The following LCLAT1 variants were observed in gnomAD, a reference collection of about 807,000 sequenced individuals.
LCLAT1 encodes 1-AGP acyltransferase 8.
In LCLAT1, 11 loss-of-function variants were observed where a neutral mutation model predicts 30.7. The observed-to-expected ratio is 0.36, with a 90% CI of 0.23 to 0.59. The LOEUF is 0.59. Ranked by LOEUF, LCLAT1 falls within the 20% of genes least tolerant of loss-of-function variation. LCLAT1 has a pLI of 0.77. For missense variants in LCLAT1, 402 were observed against 458.6 expected, an observed-to-expected ratio of 0.88 and a Z score of 1.13; for synonymous variants, 155 against 151.3, an observed-to-expected ratio of 1.02 and a Z score of -0.18.
intron 1 of LCLAT1, among the ~76,000 whole-genome samples, chr2:30,472,913 G>A (rs1291172295): frequency 1.3e-5 from 2 of 152,044 alleles, no homozygotes; most frequent in African/African-American, 4.8e-5. Context: ...TCACAGTGAT[G>A]AGGAAGAAAA....
chr2:30,478,732 AC>A (rs1343329500), intron 1 of LCLAT1, among the ~76,000 whole-genome samples: 1 of 151,974 alleles, frequency 6.6e-6, no homozygotes, highest in Non-Finnish European at 1.5e-5. Context: ...AATTTAAAAA[AC>A]CAAACATAGA....
At position 30,559,440 on chromosome 2, in the gene LCLAT1, G is replaced by T. The variant is rs139172096; in HGVS notation, c.365-2706G>T. ...ATACCAAATCCTTAACATATTCAAG[G>T]ACTTTTATCTAAGTCTTGCATTCAT... On this transcript the variant is annotated intron_variant, in intron 3 of 5. Transcript: ENST00000379509. 1.6e-4 allele frequency among the ~76,000 whole-genome samples: 25 copies of T among 152,182 alleles called. No homozygotes were observed. In the East Asian group the frequency reaches 4.4e-3, roughly 27 times the overall value.
intron 5 of LCLAT1, among the ~76,000 whole-genome samples, chr2:30,636,578 A>G (rs1669035224): frequency 6.6e-6 from 1 of 152,126 alleles, no homozygotes; most frequent in African/African-American, 2.4e-5. Flanking sequence ...TGCTGCCATG[A>G]ATCTAGAATC....
rs757964244 is a variant in LCLAT1, at chr2:30,644,140, T to C, written c.*3521T>C. The C allele has an allele frequency of 2.6e-5, 4 of 152,208 alleles. No homozygotes were observed. The highest frequency in any genetic ancestry group is 4.4e-5 in the Non-Finnish European group (3 of 68,036). 9.4% of individuals were successfully genotyped at this position (152,208 alleles called of 1,614,324 possible). On this transcript the variant is annotated 3_prime_UTR_variant, in exon 6 of 6. Transcript: ENST00000379509. ...TTTAAAAATAACTCACAGAATGGCC[T>C]TAGTTTTCAATGTCTGATGGTATAT...
chr2:30,635,486 T>C (rs182878159), intron 5 of LCLAT1, among the ~76,000 whole-genome samples: 7 of 152,282 alleles, frequency 4.6e-5, no homozygotes, highest in Non-Finnish European at 1.0e-4. Context: ...TTTCTAACAT[T>C]ACAGTGTTAC....
intron 1 of LCLAT1, among the ~76,000 whole-genome samples, chr2:30,474,658 T>TTC (rs1464111731): frequency 6.6e-6 from 1 of 151,570 alleles, no homozygotes; most frequent in Non-Finnish European, 1.5e-5. Context: ...ACTTTTTTTT[T>TTC]TTTTTTTCTA....
intron 5 of LCLAT1, among the ~76,000 whole-genome samples, chr2:30,575,218 C>G (rs1558530073): frequency 6.6e-6 from 1 of 152,056 alleles, no homozygotes; most frequent in African/African-American, 2.4e-5. Flanking sequence ...TCATCATACT[C>G]TATACATTTC....
At chr2:30,484,148 C>T (rs1000668099) in intron 1 of LCLAT1, among the ~76,000 whole-genome samples, 1 of 152,160 alleles carries the variant, frequency 6.6e-6, no homozygotes, top group Non-Finnish European at 1.5e-5. Flanking sequence ...GCCCTGCTTG[C>T]TGATCCATCA....
At chr2:30,538,762 C>A (rs1663946434) in intron 3 of LCLAT1, among the ~76,000 whole-genome samples, 2 of 151,958 alleles carry the variant, frequency 1.3e-5, no homozygotes, top group Non-Finnish European at 2.9e-5. Context: ...TACTATATGC[C>A]AGCCAATTGG....
chr2:30,495,439 C>CATTATTT (rs1439450551), intron 1 of LCLAT1, among the ~76,000 whole-genome samples: 1 of 151,414 alleles, frequency 6.6e-6, no homozygotes, highest in Non-Finnish European at 1.5e-5. Context: ...AAATTTTTAC[C>CATTATTT]CCATAAGTAA....
intron 3 of LCLAT1, among the ~76,000 whole-genome samples, chr2:30,549,298 G>A (rs1047752811): frequency 6.6e-6 from 1 of 152,072 alleles, no homozygotes; most frequent in African/African-American, 2.4e-5. Context: ...TAATACCTCA[G>A]CAAATTTACA....
At chr2:30,470,824 G>T (rs1199186264) in intron 1 of LCLAT1, among the ~76,000 whole-genome samples, 2 of 152,008 alleles carry the variant, frequency 1.3e-5, no homozygotes, top group African/African-American at 4.8e-5. Context: ...GATAGAGATT[G>T]AATTGAGTCT....
chr2:30,598,414 CTTTT>C (rs58514140), intron 5 of LCLAT1, among the ~76,000 whole-genome samples: 8 of 135,978 alleles, frequency 5.9e-5, no homozygotes, highest in African/African-American at 1.6e-4. Flanking sequence ...TCTAGATTTT[CTTTT>C]TTTTTTTTTT....
At chr2:30,474,293 A>G (rs1171555253) in intron 1 of LCLAT1, among the ~76,000 whole-genome samples, 2 of 152,244 alleles carry the variant, frequency 1.3e-5, no homozygotes, top group African/African-American at 4.8e-5. Flanking sequence ...CATAGTCTAT[A>G]CAGTGTTGTA....
At chr2:30,478,347 C>T (rs1683147044) in intron 1 of LCLAT1, among the ~76,000 whole-genome samples, 1 of 152,102 alleles carries the variant, frequency 6.6e-6, no homozygotes, top group South Asian at 2.1e-4. Context: ...GAATTCCAAA[C>T]AGCTGATTTA....
At chr2:30,498,228 G>A (rs868595416) in intron 1 of LCLAT1, among the ~76,000 whole-genome samples, 2 of 152,194 alleles carry the variant, frequency 1.3e-5, no homozygotes, top group South Asian at 4.1e-4. Flanking sequence ...GACAAGGAAT[G>A]TGCTGACTGG....
intron 4 of LCLAT1, among the ~76,000 whole-genome samples, chr2:30,566,249 C>G (rs555932754): frequency 6.6e-6 from 1 of 152,274 alleles, no homozygotes; most frequent in African/African-American, 2.4e-5. Flanking sequence ...TACAACAGTT[C>G]AGTTTTGCTT....
chr2:30,479,638 T>C (rs1171089346), intron 1 of LCLAT1, among the ~76,000 whole-genome samples: 2 of 152,118 alleles, frequency 1.3e-5, no homozygotes, highest in African/African-American at 4.8e-5. Flanking sequence ...GTGGAGTAGT[T>C]AATTATTGGG....
intron 1 of LCLAT1, among the ~76,000 whole-genome samples, chr2:30,488,037 G>T (rs1479529914): frequency 2.0e-5 from 3 of 152,186 alleles, no homozygotes; most frequent in East Asian, 1.9e-4. Context: ...GGATTTTATG[G>T]TATGTGAATT....
Sources: allele counts gnomAD v4.1 joint callset (sites outside exome capture counted in the v4.1 genomes callset), GRCh38; gene constraint gnomAD v4.1.1; transcripts MANE v1.5; gene names NCBI Gene and HGNC (gene_info 2026-07-23, HGNC 2026-07-21).